The following RFC3 variants were observed in gnomAD, a reference collection of about 807,000 sequenced individuals.
RFC3 encodes A1 38 kDa subunit.
In RFC3, 41 loss-of-function variants were observed where a neutral mutation model predicts 45.1. That is an observed-to-expected ratio of 0.91 (90% CI 0.71 to 1.18). The LOEUF (loss-of-function observed/expected upper bound fraction) is 1.18. RFC3 is among the 50% of genes most tolerant of loss of function. The pLI, the probability that RFC3 is intolerant of heterozygous loss-of-function variation, is 0.00. For synonymous variants in RFC3, 149 were observed against 144.0 expected, an observed-to-expected ratio of 1.03 and a Z score of -0.25; for missense variants, 423 against 428.1, an observed-to-expected ratio of 0.99 and a Z score of 0.10.
intron 8 of RFC3, among the ~76,000 whole-genome samples, chr13:33,934,944 C>G (rs553363478): frequency 2.0e-5 from 3 of 152,250 alleles, no homozygotes; most frequent in African/African-American, 7.2e-5. Context: ...TCCTGATGGT[C>G]TGCTCACATT....
chr13:33,856,799 G>T (rs17080032), intron 8 of RFC3, among the ~76,000 whole-genome samples: 9,607 of 152,160 alleles, frequency 0.063, 625 homozygotes, highest in East Asian at 0.16. Flanking sequence ...AATTTTGTGA[G>T]TCCTGTTAGC....
chr13:33,862,255 G>GTTTTTTT (rs142905743), intron 8 of RFC3, among the ~76,000 whole-genome samples: 7 of 134,894 alleles, frequency 5.2e-5, no homozygotes, highest in Non-Finnish European at 7.8e-5. Flanking sequence ...TCTCAGCAAA[G>GTTTTTTT]TTTTTTTTTT....
At chr13:33,945,265 G>A (rs766574970) in intron 8 of RFC3, among the ~76,000 whole-genome samples, 14 of 152,186 alleles carry the variant, frequency 9.2e-5, no homozygotes, top group Non-Finnish European at 1.6e-4. Flanking sequence ...GAGCCCTAGG[G>A]TTAAGGTTAT....
intron 8 of RFC3, among the ~76,000 whole-genome samples, chr13:33,852,065 A>G (rs1345370525): frequency 6.6e-6 from 1 of 152,230 alleles, no homozygotes; most frequent in Non-Finnish European, 1.5e-5. Flanking sequence ...AGAGTATTGC[A>G]CTATCTGAAT....
In RFC3 at chr13:33,921,353, A is replaced by G. The variant is rs150497645; in HGVS notation, c.880-44734A>G. Among the ~76,000 whole-genome samples, 255 of 152,284 alleles carry G rather than the reference A, an allele frequency of 1.7e-3. 1 individual carries two copies. The highest frequency in any genetic ancestry group is 5.9e-3 in the African/African-American group (246 of 41,566). ...AGTCAAGTAAGTCTTCCTGAAGGCAACGGCTTTGAAGGAGAGAACTGAAGA... is the reference window on the plus strand; with the variant it reads ...AGTCAAGTAAGTCTTCCTGAAGGCAGCGGCTTTGAAGGAGAGAACTGAAGA... On this transcript the variant is annotated intron_variant, in intron 8 of 8. Coordinates refer to the RFC3 transcript ENST00000434425.
intron 8 of RFC3, among the ~76,000 whole-genome samples, chr13:33,859,962 G>A (rs1189819788): frequency 6.6e-6 from 1 of 152,140 alleles, no homozygotes; most frequent in Non-Finnish European, 1.5e-5. Context: ...GATGTCATAA[G>A]GGTGTGGCCC....
intron 8 of RFC3, among the ~76,000 whole-genome samples, chr13:33,903,405 A>G (rs1225379854): frequency 1.3e-5 from 2 of 152,140 alleles, no homozygotes; most frequent in Non-Finnish European, 2.9e-5. Flanking sequence ...AGGTCATAGT[A>G]CAATGTAATA....
intron 8 of RFC3, among the ~76,000 whole-genome samples, chr13:33,953,861 C>A (rs2137839809): frequency 6.6e-6 from 1 of 152,252 alleles, no homozygotes; most frequent in East Asian, 1.9e-4. Flanking sequence ...TAAAAACCTA[C>A]TTGGAGAATT....
At chr13:33,846,341 G>C (rs1229958422) in intron 8 of RFC3, 1 of 152,228 alleles carries the variant, frequency 6.6e-6, no homozygotes, top group Non-Finnish European at 1.5e-5. Flanking sequence ...CCAGAGCTGG[G>C]TTCTTCCCTT....
chr13:33,853,830 C>T (rs2082292448), intron 8 of RFC3, among the ~76,000 whole-genome samples: 2 of 152,088 alleles, frequency 1.3e-5, no homozygotes, highest in South Asian at 2.1e-4. Context: ...ACCCACAGGA[C>T]CTCACTTGGA....
intron 8 of RFC3, among the ~76,000 whole-genome samples, chr13:33,944,419 G>C (rs2137812046): frequency 6.6e-6 from 1 of 152,298 alleles, no homozygotes; most frequent in East Asian, 1.9e-4. Context: ...CGATGAGTGT[G>C]CTGTTGATAA....
Position 33,821,344 on chromosome 13 carries a change from A to G in RFC3, c.225+75A>G, listed in dbSNP as rs2082002499. ...CAGTCTTGGTCATGTATGTCCCCCC[A>G]ACTCAGTTGCTTCCTAATGTATGAT... On this transcript the variant is annotated intron_variant, in intron 2 of 8. Coordinates refer to ENST00000380071, the MANE Select transcript of RFC3 (RefSeq NM_002915.4). The G allele has an allele frequency of 2.2e-6, 3 of 1,394,462 alleles. No individual in the cohort carries two copies. The South Asian group carries it at 3.6e-5, about 17-fold the overall frequency. 86.4% of individuals were successfully genotyped at this position (1,394,462 alleles called of 1,614,324 possible). A position where few individuals can be genotyped will look rare whatever the true frequency, so the allele number is the denominator to read the frequency against.
At chr13:33,843,680 C>A (rs1019826268) in intron 8 of RFC3, among the ~76,000 whole-genome samples, 2 of 152,176 alleles carry the variant, frequency 1.3e-5, no homozygotes, top group African/African-American at 4.8e-5. Context: ...ACATTATGAT[C>A]TTGTTTTGCA....
chr13:33,883,848 C>G (rs1222465740), intron 8 of RFC3, among the ~76,000 whole-genome samples: 1 of 152,030 alleles, frequency 6.6e-6, no homozygotes, highest in Non-Finnish European at 1.5e-5. Context: ...AGGCTTAATA[C>G]CTGGGTGATG....
rs907184830 is a variant in RFC3, at chr13:33,927,713, G to C, written c.880-38374G>C. Among the ~76,000 whole-genome samples, 45 of 152,202 alleles carry C rather than the reference G, an allele frequency of 3.0e-4. 1 individual carries two copies. Among genetic ancestry groups the C allele is most frequent in the African/African-American group, 1.1e-3 (44 of 41,556 alleles). ...TTTGATTCTGACAACTTTCACAGCT[G>C]CAACTCTTGTAAATTCAGAAGGGGC... On this transcript the variant is annotated intron_variant, in intron 8 of 8. Transcript: ENST00000434425.
intron 8 of RFC3, among the ~76,000 whole-genome samples, chr13:33,856,404 T>C (rs2082309183): frequency 6.6e-6 from 1 of 152,176 alleles, no homozygotes; most frequent in African/African-American, 2.4e-5. Flanking sequence ...AATACCTGGA[T>C]GATGAGATAA....
At position 33,823,922 on chromosome 13, in the gene RFC3, A is replaced by G. The variant is rs1160535881; in HGVS notation, c.231A>G (p.Pro77=). The change falls in exon 3 of 9, where the codon CCA becomes CCG. Residue 77 remains proline, a synonymous_variant. Transcript: ENST00000380071. ...LRIEHQTITT[P]SKKKIEISTI... is the part of the protein sequence containing the mutation. ...ATCTTTTTCTTTGTCCACAGACTCC[A>G]TCTAAAAAAAAAATTGAAATTAGCA... 2 of 1,540,356 alleles carry G rather than the reference A, an allele frequency of 1.3e-6. No homozygotes were observed.
intron 8 of RFC3, among the ~76,000 whole-genome samples, chr13:33,878,229 T>C (rs1593659820): frequency 6.6e-6 from 1 of 152,340 alleles, no homozygotes; most frequent in East Asian, 1.9e-4. Flanking sequence ...GATTTTCAGA[T>C]AACAAGCATA....
downstream of RFC3, among the ~76,000 whole-genome samples, chr13:33,969,257 T>C (rs2083100784): frequency 6.6e-6 from 1 of 152,172 alleles, no homozygotes; most frequent in Admixed American, 6.5e-5. Flanking sequence ...TTAACAAGCC[T>C]CAGCACCTCA....
Sources: gnomAD v4.1 joint callset for allele counts (sites outside exome capture counted in the v4.1 genomes callset) on GRCh38, gnomAD v4.1.1 for gene constraint, MANE v1.5 for transcripts, NCBI Gene and HGNC (gene_info 2026-07-23, HGNC 2026-07-21) for gene names.